TLCD3B: variants seen among roughly 807,000 people sequenced by gnomAD.
TLCD3B encodes ceramide synthase.
TLCD3B carries 9 observed loss-of-function variants against 23.0 expected under a neutral mutation model. That is an observed-to-expected ratio of 0.39 (90% CI 0.24 to 0.68). TLCD3B has a LOEUF of 0.68. Among genes scored for constraint, TLCD3B ranks in the 30% least tolerant of loss-of-function variants. TLCD3B has a pLI of 0.44. For synonymous variants in TLCD3B, 161 were observed against 161.0 expected (o/e 1.00, Z 0.00); for missense variants, 307 against 371.8 (o/e 0.83, Z 1.43).
rs1488840707 is a variant in TLCD3B, at chr16:30,036,424, G to A, written c.-66-210C>T. On this transcript the variant is annotated intron_variant, in intron 3 of 6. Coordinates refer to the TLCD3B transcript ENST00000561666. ...CCTCCCATCTACTCTGGGGAGCAGA[G>A]GTGTGGAGCAGGCACAGGCAGGATG... The A allele has an allele frequency of 2.4e-6, 3 of 1,270,066 alleles. No individual in the cohort carries two copies. In the African/African-American group the frequency reaches 4.6e-5, roughly 20 times the overall value. The allele number at this position is 1,270,066 out of a possible 1,614,324, so 78.7% of individuals were successfully genotyped here. A position where few individuals can be genotyped will look rare whatever the true frequency, so the allele number is the denominator to read the frequency against.
Position 30,024,946 on chromosome 16 carries a change from G to A in TLCD3B, c.*237C>T. The A allele has an allele frequency of 4.4e-6, 2 of 457,710 alleles. No homozygotes were observed. Among genetic ancestry groups the A allele is most frequent in the Non-Finnish European group, 7.6e-6 (2 of 261,940 alleles). The allele number at this position is 457,710 out of a possible 1,614,324, so 28.4% of individuals were successfully genotyped here. A position where few individuals can be genotyped will look rare whatever the true frequency, so the allele number is the denominator to read the frequency against. ...CTGCCCTCAGTGGGTGGGAGGCGGT[G>A]CCCCCTCCCCTCCTCCAGCGCAAGG... is the stretch of plus-strand genomic sequence containing the variant. On this transcript the variant is annotated 3_prime_UTR_variant, in exon 5 of 5. Coordinates refer to ENST00000380495, the MANE Select transcript of TLCD3B (RefSeq NM_031478.6).
chr16:30,037,557 AAAG>A (rs1555475110), intron 3 of TLCD3B, among the ~76,000 whole-genome samples: 35 of 151,282 alleles, frequency 2.3e-4, no homozygotes, highest in South Asian at 2.3e-3. Context: ...AAAAAAAAAA[AAAG>A]AAGAAGAAGA....
At chr16:30,026,504 T>C in intron 3 of TLCD3B, 105 bp downstream of exon 3, 1 of 952,234 alleles carries the variant, frequency 1.1e-6, no homozygotes, top group Non-Finnish European at 1.6e-6. Flanking sequence ...TGGGTCTGCT[T>C]GGTTGTCAGT....
upstream of TLCD3B, chr16:30,035,296 A>T: frequency 7.8e-7 from 1 of 1,282,802 alleles, no homozygotes; most frequent in Admixed American, 2.3e-5. Context: ...AAAGTAAAAG[A>T]TCAGTTCCAC....
intron 2 of TLCD3B, among the ~76,000 whole-genome samples, chr16:30,044,552 T>C (rs549545678): frequency 1.3e-5 from 2 of 152,244 alleles, no homozygotes; most frequent in African/African-American, 4.8e-5. Flanking sequence ...CCTCAGGCGA[T>C]CTGCCTGCCT....
intron 2 of TLCD3B, 32 bp from the exon 3 acceptor site, chr16:30,026,875 A>G: frequency 2.5e-6 from 4 of 1,581,428 alleles, no homozygotes; most frequent in Non-Finnish European, 2.6e-6. Context: ...TGGGGGAGCA[A>G]GGAGGAAAGG....
intron 2 of TLCD3B, among the ~76,000 whole-genome samples, chr16:30,028,852 T>TC (rs1338063114): frequency 4.6e-5 from 7 of 152,132 alleles, no homozygotes; most frequent in African/African-American, 1.4e-4. Flanking sequence ...CTCCTCCCCG[T>TC]CCCCCCGCCT....
intron 3 of TLCD3B, among the ~76,000 whole-genome samples, chr16:30,038,304 A>G (rs1243599719): frequency 1.3e-5 from 2 of 151,954 alleles, no homozygotes; most frequent in Admixed American, 6.6e-5. Flanking sequence ...GAAAAAAAAA[A>G]GGCCAAGTGT....
chr16:30,051,324 G>A (rs759550175), intron 1 of TLCD3B, among the ~76,000 whole-genome samples: 9 of 151,684 alleles, frequency 5.9e-5, no homozygotes, highest in African/African-American at 2.2e-4. Flanking sequence ...ACCTAAGGTC[G>A]GGAGTTCGAG....
At chr16:30,032,439 C>A (rs188542284), upstream of TLCD3B, among the ~76,000 whole-genome samples, 1 of 152,130 alleles carries the variant, frequency 6.6e-6, no homozygotes, top group African/African-American at 2.4e-5. Context: ...AGGAAAGCAC[C>A]CAAGAAGTCT....
At position 30,029,590 on chromosome 16, in the gene TLCD3B, T is replaced by A; in HGVS notation, c.126-75A>T. 7.9e-7 allele frequency: 1 copy of A among 1,267,334 alleles called. No homozygotes were observed. Among genetic ancestry groups the A allele is most frequent in the East Asian group, 2.4e-5 (1 of 41,402 alleles). The allele number at this position is 1,267,334 out of a possible 1,614,324, so 78.5% of individuals were successfully genotyped here. A position where few individuals can be genotyped will look rare whatever the true frequency, so the allele number is the denominator to read the frequency against. On this transcript the variant is annotated intron_variant, in intron 1 of 4. Coordinates refer to ENST00000380495, the MANE Select transcript of TLCD3B (RefSeq NM_031478.6). The surrounding 1 kb of genome is among the most constrained non-coding windows in gnomAD (Gnocchi z 4.6). Reference sequence around the variant, plus strand: ...TGCCTTGATTTCTCCTCGTTGCTAGTCTAACGACTGCGCTTTGCGTTCAGC... The same window carrying A: ...TGCCTTGATTTCTCCTCGTTGCTAGACTAACGACTGCGCTTTGCGTTCAGC...
Position 30,029,645 on chromosome 16 carries a change from C to A in TLCD3B, c.126-130G>T. On this transcript the variant is annotated intron_variant, in intron 1 of 4. Transcript: ENST00000380495. This position sits in a 1 kb window ranked among gnomAD's most constrained non-coding sequence, Gnocchi z 4.6. ...TCTCGGGCCAGTCCTTGCCTGCCTTCGCCCAAGGCTGGGCTGCCTGAGGTG... is the reference window on the plus strand; with the variant it reads ...TCTCGGGCCAGTCCTTGCCTGCCTTAGCCCAAGGCTGGGCTGCCTGAGGTG... 1 of 799,558 alleles carries A rather than the reference C, an allele frequency of 1.3e-6. No homozygotes were observed. The highest frequency in any genetic ancestry group is 2.1e-6 in the Non-Finnish European group (1 of 483,554). 49.5% of individuals were successfully genotyped at this position (799,558 alleles called of 1,614,324 possible).
Position 30,025,930 on chromosome 16 carries a change from A to G in TLCD3B, c.445-109T>C. On this transcript the variant is annotated intron_variant, in intron 3 of 4. Transcript: ENST00000380495. The surrounding 1 kb of genome is among the most constrained non-coding windows in gnomAD (Gnocchi z 4.1). ...CACTTTGGGAGATGCTTGACTCTGA[A>G]CATCAGAACACCTGGGTGCAGGGCT... 1.2e-6 allele frequency: 1 copy of G among 811,926 alleles called. No homozygotes were observed. The highest frequency in any genetic ancestry group is 2.0e-6 in the Non-Finnish European group (1 of 493,542). The allele number at this position is 811,926 out of a possible 1,614,324, so 50.3% of individuals were successfully genotyped here. A position where few individuals can be genotyped will look rare whatever the true frequency, so the allele number is the denominator to read the frequency against.
chr16:30,036,788 T>C (rs1458556727), intron 3 of TLCD3B, among the ~76,000 whole-genome samples: 1 of 151,914 alleles, frequency 6.6e-6, no homozygotes, highest in Non-Finnish European at 1.5e-5. Flanking sequence ...AGAGGGGAAA[T>C]AAGAGCAGGT....
intron 3 of TLCD3B, chr16:30,036,609 G>A (rs4788215): frequency 0.45 from 144,592 of 321,794 alleles, 32,972 homozygotes; most frequent in African/African-American, 0.48. Flanking sequence ...TGGCTAGAAG[G>A]TGCCATCCTC....
At chr16:30,049,847 T>G (rs1335936214) in intron 1 of TLCD3B, among the ~76,000 whole-genome samples, 1 of 151,496 alleles carries the variant, frequency 6.6e-6, no homozygotes, top group African/African-American at 2.4e-5. Flanking sequence ...ATCACTCAAC[T>G]TGGGAGGCAG....
At chr16:30,036,306 G>T (rs1228367069) in intron 3 of TLCD3B, 1 of 1,288,860 alleles carries the variant, frequency 7.8e-7, no homozygotes, top group Non-Finnish European at 1.0e-6. Context: ...AGCGATTGTT[G>T]TTCCATTAAA....
intron 2 of TLCD3B, among the ~76,000 whole-genome samples, chr16:30,045,092 C>CAAAAAAAAAA (rs1162281544): frequency 4.2e-3 from 94 of 22,152 alleles, no homozygotes; most frequent in Admixed American, 4.9e-3. Context: ...GACTCCATCT[C>CAAAAAAAAAA]AAAAAAAAAA....
intron 2 of TLCD3B, chr16:30,027,188 T>TG (rs1432010706): frequency 4.2e-6 from 2 of 472,682 alleles, no homozygotes; most frequent in South Asian, 3.1e-5. Context: ...GACCTTGCCA[T>TG]GGTTATTTGT....
Sources: allele counts gnomAD v4.1 joint callset (sites outside exome capture counted in the v4.1 genomes callset), GRCh38; gene constraint gnomAD v4.1.1; non-coding constraint Gnocchi (gnomAD v3.1); transcripts MANE v1.5; gene names NCBI Gene and HGNC (gene_info 2026-07-23, HGNC 2026-07-21).